The following KDM4B variants were observed in gnomAD, a reference collection of about 807,000 sequenced individuals.
The protein encoded by KDM4B is lysine demethylase 4B.
In KDM4B, 32 loss-of-function variants were observed where a neutral mutation model predicts 125.2. That is an observed-to-expected ratio of 0.26 (90% CI 0.19 to 0.34). The LOEUF is 0.34. KDM4B is among the 10% of genes least tolerant of loss of function. The probability of loss-of-function intolerance (pLI) is 1.00; values close to 1 mark genes in which losing one functional copy is unlikely to be tolerated. For missense variants in KDM4B, 1,190 were observed against 1,577.7 expected, an observed-to-expected ratio of 0.75 and a Z score of 4.16; for synonymous variants, 721 against 677.9, an observed-to-expected ratio of 1.06 and a Z score of -0.99.
intron 14 of KDM4B, among the ~76,000 whole-genome samples, chr19:5,134,574 C>T (rs1282858179): frequency 1.3e-5 from 2 of 152,206 alleles, no homozygotes; most frequent in African/African-American, 2.4e-5. Context: ...CAGCACCCAG[C>T]CCAGCCGTTT....
At chr19:5,018,584 C>T (rs2035963736) in intron 2 of KDM4B, among the ~76,000 whole-genome samples, 1 of 152,224 alleles carries the variant, frequency 6.6e-6, no homozygotes, top group Non-Finnish European at 1.5e-5. Context: ...AGGAAATTCA[C>T]ATACATCATA....
intron 3 of KDM4B, among the ~76,000 whole-genome samples, chr19:5,037,009 C>G (rs1355012390): frequency 1.3e-5 from 2 of 152,344 alleles, no homozygotes; most frequent in East Asian, 3.9e-4. Flanking sequence ...TCCCAGATGT[C>G]TTTACTACAC....
chr19:5,097,222 G>C (rs1021243508), intron 9 of KDM4B, among the ~76,000 whole-genome samples: 1 of 152,192 alleles, frequency 6.6e-6, no homozygotes, highest in Non-Finnish European at 1.5e-5. Context: ...CCCACGTGGC[G>C]CATCAGTCGG....
Position 4,971,814 on chromosome 19 carries a change from C to G in KDM4B, c.-109+2584C>G, listed in dbSNP as rs921853309. Among the ~76,000 whole-genome samples, 1 of 151,922 alleles carries G rather than the reference C, an allele frequency of 6.6e-6. No homozygotes were observed. The highest frequency in any genetic ancestry group is 1.5e-5 in the Non-Finnish European group (1 of 67,988). ...TGGCTTTGTTCCCTGGATCGGGGAG[C>G]GGAATTGGGGGTTCAGAGCTGGGTG... On this transcript the variant is annotated intron_variant, in intron 1 of 22. Transcript: ENST00000159111. The surrounding 1 kb of genome is among the most constrained non-coding windows in gnomAD (Gnocchi z 4.1).
chr19:5,048,536 T>G (rs1474667621), intron 6 of KDM4B, among the ~76,000 whole-genome samples: 2 of 149,866 alleles, frequency 1.3e-5, no homozygotes, highest in Non-Finnish European at 3.0e-5. Flanking sequence ...ACGGAGCCTT[T>G]GCCTGGAGGG....
intron 1 of KDM4B, among the ~76,000 whole-genome samples, chr19:4,989,638 GTCTTCT>G (rs527457487): frequency 5.0e-4 from 75 of 150,716 alleles, no homozygotes; most frequent in African/African-American, 1.4e-3. Flanking sequence ...ACCATGCCCA[GTCTTCT>G]TCTTCTTCTT....
At position 4,970,100 on chromosome 19, in the gene KDM4B, G is replaced by GGGGTCTGCCAGGGCCC. The variant is rs2034201327; in HGVS notation, c.-109+871_-109+886dup. ...ACTCGCTCTGAAATCTGCTTGACCT[G>GGGGTCTGCCAGGGCCC]GGGTCTGCCAGGGCCCAGGTCTGCG... On this transcript the variant is annotated intron_variant, in intron 1 of 22. Transcript: ENST00000159111. Among the ~76,000 whole-genome samples, 3 of 152,174 alleles carry GGGGTCTGCCAGGGCCC rather than the reference G, an allele frequency of 2.0e-5. 1 individual carries two copies. The South Asian group carries it at 6.2e-4, about 32-fold the overall frequency.
At chr19:5,116,042 T>C (rs893542530) in intron 10 of KDM4B, among the ~76,000 whole-genome samples, 1 of 151,926 alleles carries the variant, frequency 6.6e-6, no homozygotes, top group Non-Finnish European at 1.5e-5. Context: ...GCTGTGAAAT[T>C]TCACAATTCC....
intron 5 of KDM4B, among the ~76,000 whole-genome samples, chr19:5,043,754 C>T (rs1409113291): frequency 7.2e-6 from 1 of 138,726 alleles, no homozygotes; most frequent in Admixed American, 7.1e-5. Context: ...GGGGTGTCCA[C>T]TGTATCCCGC....
At chr19:4,981,669 T>C (rs1192076514) in intron 1 of KDM4B, among the ~76,000 whole-genome samples, 1 of 152,152 alleles carries the variant, frequency 6.6e-6, no homozygotes, top group Non-Finnish European at 1.5e-5. Context: ...CAGGTGACAC[T>C]GCCAGGCACC....
intron 1 of KDM4B, among the ~76,000 whole-genome samples, chr19:4,984,123 C>T (rs2034745072): frequency 6.6e-6 from 1 of 152,102 alleles, no homozygotes; most frequent in African/African-American, 2.4e-5. Context: ...TGCTCAGCAC[C>T]CTGCAGTGCC....
intron 9 of KDM4B, among the ~76,000 whole-genome samples, chr19:5,098,337 G>A (rs1231774303): frequency 4.6e-5 from 7 of 152,206 alleles, no homozygotes; most frequent in Non-Finnish European, 1.0e-4. Flanking sequence ...CAGGCATTTT[G>A]CATGGGATCG....
intron 1 of KDM4B, among the ~76,000 whole-genome samples, chr19:4,985,955 G>A (rs925134694): frequency 7.2e-5 from 11 of 152,184 alleles, no homozygotes; most frequent in African/African-American, 2.7e-4. Flanking sequence ...TTTTTCCCTC[G>A]CTGTCTGGGC....
At chr19:5,097,313 C>T (rs777097963) in intron 9 of KDM4B, among the ~76,000 whole-genome samples, 2 of 152,186 alleles carry the variant, frequency 1.3e-5, no homozygotes, top group Non-Finnish European at 2.9e-5. Flanking sequence ...TGCAGTGGTG[C>T]GATCATAGCT....
intron 6 of KDM4B, among the ~76,000 whole-genome samples, chr19:5,064,193 C>T (rs1162207148): frequency 6.6e-6 from 1 of 152,182 alleles, no homozygotes; most frequent in African/African-American, 2.4e-5. Context: ...CGTGGCCCTC[C>T]TGGGCTTGCG....
chr19:5,094,689 GCA>G (rs982931902), intron 9 of KDM4B, among the ~76,000 whole-genome samples: 1 of 152,098 alleles, frequency 6.6e-6, no homozygotes, highest in Non-Finnish European at 1.5e-5. Flanking sequence ...TGCTGGGAGC[GCA>G]CAGAGGGACA....
chr19:5,037,618 C>T (rs2145646555), intron 3 of KDM4B, among the ~76,000 whole-genome samples: 1 of 152,332 alleles, frequency 6.6e-6, no homozygotes, highest in Middle Eastern at 3.4e-3. Flanking sequence ...CTTGGTTTAA[C>T]TCTAAATTAG....
chr19:5,134,929 G>T (rs1311810467), intron 14 of KDM4B, among the ~76,000 whole-genome samples: 1 of 152,246 alleles, frequency 6.6e-6, no homozygotes, highest in Admixed American at 6.5e-5. Context: ...CAGAGAGGCT[G>T]CTGGGAGCCA....
chr19:5,117,185 T>C (rs1182544736), intron 10 of KDM4B, among the ~76,000 whole-genome samples: 1 of 152,080 alleles, frequency 6.6e-6, no homozygotes, highest in Non-Finnish European at 1.5e-5. Flanking sequence ...GCCCCAGAGC[T>C]CTGGTTGGGC....
Sources: gnomAD v4.1 joint callset for allele counts (sites outside exome capture counted in the v4.1 genomes callset) on GRCh38, gnomAD v4.1.1 for gene constraint, Gnocchi (gnomAD v3.1) non-coding constraint, MANE v1.5 for transcripts, NCBI Gene and HGNC (gene_info 2026-07-23, HGNC 2026-07-21) for gene names.